Variants in NF1 observed in about 807,000 individuals in gnomAD.
NF1 encodes the protein neurofibromin.
NF1 carries 122 observed loss-of-function variants against 325.7 expected under a neutral mutation model. That is an observed-to-expected ratio of 0.37 (90% CI 0.32 to 0.44). NF1 has a LOEUF of 0.44. Among genes scored for constraint, NF1 ranks in the 20% least tolerant of loss-of-function variants. The pLI, the probability that NF1 is intolerant of heterozygous loss-of-function variation, is 1.00. For synonymous variants in NF1, 1,091 were observed against 1,186.0 expected (o/e 0.92, Z 1.65); for missense variants, 2,140 against 3,415.4 (o/e 0.63, Z 9.31).
chr17:31,303,223 G>A (rs1232967342), intron 36 of NF1, among the ~76,000 whole-genome samples: 1 of 152,162 alleles, frequency 6.6e-6, no homozygotes, highest in Admixed American at 6.5e-5. Flanking sequence ...TGGGACTAAT[G>A]AGGAAGAATA....
intron 1 of NF1, chr17:31,136,780 A>T (rs1453726039): frequency 1.9e-5 from 2 of 104,148 alleles, no homozygotes. Context: ...TCGATCTCTT[A>T]CTGTGTCTTA....
At chr17:31,097,155 C>T (rs539391607) in intron 1 of NF1, among the ~76,000 whole-genome samples, 3 of 152,164 alleles carry the variant, frequency 2.0e-5, no homozygotes, top group South Asian at 4.1e-4. Context: ...GAAAAAGATA[C>T]TTAAGAGAGG....
chr17:31,280,044 G>A (rs868251046), intron 36 of NF1, among the ~76,000 whole-genome samples: 3 of 152,118 alleles, frequency 2.0e-5, no homozygotes, highest in Middle Eastern at 3.4e-3. Context: ...TAGTCATTAA[G>A]TCTTACTGAT....
chr17:31,103,273 C>T (rs529997854), intron 1 of NF1, among the ~76,000 whole-genome samples: 53 of 152,226 alleles, frequency 3.5e-4, no homozygotes, highest in African/African-American at 1.2e-3. Context: ...GACAAGTTCT[C>T]GCTTTCTCGC....
intron 12 of NF1, among the ~76,000 whole-genome samples, chr17:31,211,212 C>G (rs1029803530): frequency 2.6e-5 from 4 of 152,154 alleles, no homozygotes; most frequent in Non-Finnish European, 5.9e-5. Flanking sequence ...AGCTTCTATT[C>G]CTACTAATAC....
intron 14 of NF1, among the ~76,000 whole-genome samples, chr17:31,219,932 C>G (rs180991749): frequency 3.9e-4 from 59 of 152,200 alleles, no homozygotes; most frequent in African/African-American, 1.3e-3. Flanking sequence ...TTGTATGGAT[C>G]TGTTTTGTTC....
At position 31,234,405 on chromosome 17, in the gene NF1, C is replaced by T. The variant is rs1319951049; in HGVS notation, c.3708+1192C>T. 7.9e-5 allele frequency among the ~76,000 whole-genome samples: 12 copies of T among 152,028 alleles called. No homozygotes were observed. The East Asian group carries it at 2.3e-3, about 29-fold the overall frequency. On this transcript the variant is annotated intron_variant, in intron 27 of 57. Transcript: ENST00000358273. ...GAATCAGTTAAGGGCCGGGTGTGGT[C>T]GCTCACGCCTGTAATCCCAGCACTT... is the stretch of plus-strand genomic sequence containing the variant.
intron 36 of NF1, chr17:31,297,480 T>A (rs2068491671): frequency 6.6e-6 from 1 of 152,232 alleles, no homozygotes; most frequent in Non-Finnish European, 1.5e-5. Context: ...AGTTGGCCCT[T>A]ACTCCTTTCT....
Position 31,373,624 on chromosome 17 carries a change from C to A in NF1, c.8378-389C>A, listed in dbSNP as rs909874448. On this transcript the variant is annotated intron_variant, in intron 57 of 57. Transcript: ENST00000358273. ...GGTTGTATCTTATCACAAATATAGT[C>A]ATGTGCTGCATAACAACATTGCAGT... Among the ~76,000 whole-genome samples, 15 of 152,316 alleles carry A rather than the reference C, an allele frequency of 9.8e-5. 1 individual carries two copies. The highest frequency in any genetic ancestry group is 3.6e-4 in the African/African-American group (15 of 41,562).
chr17:31,361,859 T>C (rs951025820), intron 57 of NF1, among the ~76,000 whole-genome samples: 1 of 152,226 alleles, frequency 6.6e-6, no homozygotes, highest in African/African-American at 2.4e-5. Flanking sequence ...TATTAAATTC[T>C]GCTTAACAAC....
intron 29 of NF1, among the ~76,000 whole-genome samples, chr17:31,243,166 G>C (rs1200678400): frequency 6.9e-6 from 1 of 145,464 alleles, no homozygotes; most frequent in Non-Finnish European, 1.5e-5. Context: ...AACAAACAGA[G>C]TCAGTCTCTC....
chr17:31,220,628 A>T (rs995982485), intron 14 of NF1, among the ~76,000 whole-genome samples: 1 of 152,130 alleles, frequency 6.6e-6, no homozygotes, highest in African/African-American at 2.4e-5. Flanking sequence ...ACTTATATAG[A>T]TCACACAGCA....
intron 34 of NF1, among the ~76,000 whole-genome samples, chr17:31,261,371 T>A (rs899706463): frequency 2.6e-5 from 4 of 152,142 alleles, no homozygotes; most frequent in African/African-American, 9.7e-5. Context: ...TATAAACTTG[T>A]AAAGGGACCA....
intron 11 of NF1, among the ~76,000 whole-genome samples, chr17:31,205,420 G>A (rs17880710): frequency 0.019 from 2,849 of 151,964 alleles, 101 homozygotes; most frequent in African/African-American, 0.065. Flanking sequence ...AATTCATCCA[G>A]TCAGTTTTTT....
Position 31,229,455 on chromosome 17 carries a change from C to G in NF1, c.2840C>G (p.Ser947Cys), listed in dbSNP as rs878853879. 6.2e-7 allele frequency: 1 copy of G among 1,613,654 alleles called. No homozygotes were observed. Among genetic ancestry groups the G allele is most frequent in the Non-Finnish European group, 8.5e-7 (1 of 1,179,654 alleles). Residue 947 changes from serine (S) to cysteine (C), a missense_variant, in exon 21 of 58, where the codon TCC (serine) becomes TGC (cysteine). Ser to Cys is a moderately radical substitution (Grantham distance 112). This residue lies in a region of NF1 where 380 missense variants were observed against 639.3 expected (regional missense o/e 0.59). Coordinates refer to ENST00000358273, the MANE Select transcript of NF1 (RefSeq NM_001042492.3). ...LKNTISKFFDSQGQVLLTDTN... is the reference protein window; with the variant it reads ...LKNTISKFFDCQGQVLLTDTN... ...AATACCATCAGCAAGTTTTTTGACTCCCAAGGACAGGTAAAGTGTTCTCTT... is the reference window on the plus strand; with the variant it reads ...AATACCATCAGCAAGTTTTTTGACTGCCAAGGACAGGTAAAGTGTTCTCTT...
rs1346833291 is a variant in NF1 at position 31,335,028 on chromosome 17, G to A, written c.6003G>A (p.Gly2001=). The change falls in exon 40 of 58, where the codon GGG becomes GGA. Residue 2001 remains glycine, a synonymous_variant. Coordinates refer to ENST00000358273, the MANE Select transcript of NF1 (RefSeq NM_001042492.3). ...SIQAKIWGSL[G]QITDLLDVVL... is the part of the protein sequence containing the mutation. ...AAGCAAAAATATGGGGAAGCCTTGG[G>A]CAGGTATTGAGTTTGCTCAAATATT... The A allele has an allele frequency of 1.2e-6, 2 of 1,610,900 alleles. No individual in the cohort carries two copies.
chr17:31,243,594 G>A (rs1348059965), intron 29 of NF1, among the ~76,000 whole-genome samples: 2 of 151,014 alleles, frequency 1.3e-5, no homozygotes, highest in African/African-American at 2.4e-5. Context: ...GGCCGCCATC[G>A]CCCCAGGCCC....
At chr17:31,344,104 T>C in intron 48 of NF1, among the ~76,000 whole-genome samples, 1 of 152,204 alleles carries the variant, frequency 6.6e-6, no homozygotes, top group Non-Finnish European at 1.5e-5. Context: ...TTGAATAATT[T>C]ATATTAGAAA....
rs185637146 is a variant in NF1, at chr17:31,227,172, C to T, written c.2252-46C>T. 139 of 1,586,116 alleles carry T rather than the reference C, an allele frequency of 8.8e-5. No homozygotes were observed. The East Asian group carries it at 2.2e-3, about 26-fold the overall frequency. Reference sequence around the variant, plus strand: ...GCTTATCAGGTTCTCCATTGGCAGGCAGGGCTCTAAGTGCAGTAACTTGAT... The same window carrying T: ...GCTTATCAGGTTCTCCATTGGCAGGTAGGGCTCTAAGTGCAGTAACTTGAT... On this transcript the variant is annotated intron_variant, in intron 18 of 57. Coordinates refer to ENST00000358273, the MANE Select transcript of NF1 (RefSeq NM_001042492.3).
Sources: gnomAD v4.1 joint callset for allele counts (sites outside exome capture counted in the v4.1 genomes callset) on GRCh38, gnomAD v4.1.1 for gene constraint, gnomAD v4.1.1 regional missense constraint, MANE v1.5 for transcripts, NCBI Gene and HGNC (gene_info 2026-07-23, HGNC 2026-07-21) for gene names.